DNER: variants seen among roughly 807,000 people sequenced by gnomAD.
DNER encodes delta and Notch-like epidermal growth factor-related receptor.
Under a neutral mutation model 78.2 loss-of-function variants are expected in DNER, and 33 were observed. That is an observed-to-expected ratio of 0.42 (90% CI 0.32 to 0.56). The LOEUF (loss-of-function observed/expected upper bound fraction) is 0.56, where lower values mean the gene tolerates loss of function less well. DNER is among the 20% of genes least tolerant of loss of function. The pLI, the probability that DNER is intolerant of heterozygous loss-of-function variation, is 0.11. For missense variants in DNER, 918 were observed against 975.3 expected (o/e 0.94, Z 0.78); for synonymous variants, 417 against 384.8 (o/e 1.08, Z -0.98).
intron 11 of DNER, among the ~76,000 whole-genome samples, chr2:229,372,999 T>C (rs1266700934): frequency 6.6e-6 from 1 of 152,156 alleles, no homozygotes; most frequent in Non-Finnish European, 1.5e-5. Flanking sequence ...TTTGGTTTTA[T>C]ACATGTTAAA....
intron 6 of DNER, among the ~76,000 whole-genome samples, chr2:229,479,444 A>G (rs1695106520): frequency 6.6e-6 from 1 of 152,122 alleles, no homozygotes; most frequent in Admixed American, 6.5e-5. Flanking sequence ...TAGGTGCGGT[A>G]GCTCATGCCT....
At position 229,418,207 on chromosome 2, in the gene DNER, C is replaced by T. The variant is rs1693691262; in HGVS notation, c.1510G>A (p.Glu504Lys). The T allele has an allele frequency of 6.2e-7, 1 of 1,613,958 alleles. No individual in the cohort carries two copies. The highest frequency in any genetic ancestry group is 8.5e-7 in the Non-Finnish European group (1 of 1,179,994). Reference sequence around the variant, plus strand: ...GCGGAGAGGCACTCATTATATTCCTCCTCACAGTAGAGGCCATGGTAACCT... The same window carrying T: ...GCGGAGAGGCACTCATTATATTCCTTCTCACAGTAGAGGCCATGGTAACCT... Reference protein sequence around the residue: ...DPGYHGLYCEEEYNECLSAPC... With the variant: ...DPGYHGLYCEKEYNECLSAPC... Residue 504 changes from glutamate to lysine, a missense_variant, in exon 9 of 13, where the codon GAG becomes AAG. By Grantham distance (56) the Glu-to-Lys change is moderately conservative. Coordinates refer to ENST00000341772, the MANE Select transcript of DNER (RefSeq NM_139072.4).
At chr2:229,684,142 A>C (rs13027856) in intron 1 of DNER, among the ~76,000 whole-genome samples, 11 of 61,364 alleles carry the variant, frequency 1.8e-4, no homozygotes, top group South Asian at 6.2e-4. Flanking sequence ...GTGTCTGTGT[A>C]TGTGAGAGAG....
chr2:229,678,363 C>T (rs928608265), intron 1 of DNER, among the ~76,000 whole-genome samples: 22 of 152,168 alleles, frequency 1.4e-4, no homozygotes, highest in African/African-American at 5.3e-4. Flanking sequence ...TGCCAGAGAA[C>T]CCATGCATCA....
intron 7 of DNER, among the ~76,000 whole-genome samples, chr2:229,451,456 C>T (rs959289922): frequency 2.0e-5 from 3 of 151,938 alleles, no homozygotes; most frequent in East Asian, 1.9e-4. Flanking sequence ...GACTCTGTCT[C>T]GAAAAATAAA....
chr2:229,711,551 G>A (rs1699913298), intron 1 of DNER, among the ~76,000 whole-genome samples: 1 of 152,032 alleles, frequency 6.6e-6, no homozygotes, highest in African/African-American at 2.4e-5. Context: ...TTTTAAAAAA[G>A]CCTAAAGACA....
chr2:229,599,506 C>T (rs1010893488), intron 1 of DNER, among the ~76,000 whole-genome samples: 1 of 152,206 alleles, frequency 6.6e-6, no homozygotes, highest in Non-Finnish European at 1.5e-5. Context: ...TCCTTACTCA[C>T]TAAATGCCAG....
intron 5 of DNER, among the ~76,000 whole-genome samples, chr2:229,515,932 G>A (rs886912408): frequency 1.3e-5 from 2 of 152,050 alleles, no homozygotes; most frequent in African/African-American, 2.4e-5. Flanking sequence ...ATGAGCCACC[G>A]CACCCAGCCT....
intron 1 of DNER, among the ~76,000 whole-genome samples, chr2:229,684,683 G>A (rs1359042716): frequency 6.6e-6 from 1 of 152,152 alleles, no homozygotes; most frequent in Non-Finnish European, 1.5e-5. Flanking sequence ...TTATGAGTGA[G>A]TGGAATTTAC....
At chr2:229,614,037 G>T in intron 1 of DNER, among the ~76,000 whole-genome samples, 1 of 150,682 alleles carries the variant, frequency 6.6e-6, no homozygotes, top group African/African-American at 2.4e-5. Context: ...GGGGTGGGGG[G>T]GAGCGGGGAG....
intron 1 of DNER, among the ~76,000 whole-genome samples, chr2:229,617,689 C>G (rs1227298343): frequency 6.6e-6 from 1 of 152,226 alleles, no homozygotes; most frequent in African/African-American, 2.4e-5. Context: ...CATGGTAGCT[C>G]TCGCCTATAA....
At chr2:229,614,955 A>C (rs1207178333) in intron 1 of DNER, among the ~76,000 whole-genome samples, 2 of 152,252 alleles carry the variant, frequency 1.3e-5, no homozygotes. Flanking sequence ...ATCTACGAAG[A>C]CTTTATCTAC....
At chr2:229,569,057 G>A (rs945167193) in intron 4 of DNER, among the ~76,000 whole-genome samples, 4 of 152,168 alleles carry the variant, frequency 2.6e-5, no homozygotes, top group African/African-American at 7.2e-5. Context: ...CTATGTCTGT[G>A]TATATACATG....
chr2:229,642,615 CG>C (rs988448956), intron 1 of DNER, among the ~76,000 whole-genome samples: 1 of 152,184 alleles, frequency 6.6e-6, no homozygotes, highest in African/African-American at 2.4e-5. Flanking sequence ...AGGTGAGTCA[CG>C]GAAGTGGCAG....
intron 4 of DNER, among the ~76,000 whole-genome samples, chr2:229,568,758 C>T (rs1697158307): frequency 6.6e-6 from 1 of 152,054 alleles, no homozygotes; most frequent in African/African-American, 2.4e-5. Context: ...GATGAGGTCT[C>T]TCTATGTTGC....
At position 229,413,166 on chromosome 2, in the gene DNER, T is replaced by C. The variant is rs903303692; in HGVS notation, c.1609+4942A>G. Among the ~76,000 whole-genome samples, 6 of 152,080 alleles carry C rather than the reference T, an allele frequency of 3.9e-5. No individual in the cohort carries two copies. The East Asian group carries it at 9.6e-4, about 24-fold the overall frequency. On this transcript the variant is annotated intron_variant, in intron 9 of 12. Coordinates refer to ENST00000341772, the MANE Select transcript of DNER (RefSeq NM_139072.4). The stretch of plus-strand genomic sequence containing the variant: ...CTCTAAGAGTCTTACATTATTATTA[T>C]AGACAATGGTTTCTGGGCCATTCTT...
intron 10 of DNER, among the ~76,000 whole-genome samples, chr2:229,389,617 T>C (rs1465563331): frequency 1.3e-5 from 2 of 152,186 alleles, no homozygotes; most frequent in Admixed American, 1.3e-4. Flanking sequence ...ACTCAAGTGA[T>C]TACTTCTGGG....
intron 8 of DNER, among the ~76,000 whole-genome samples, chr2:229,423,984 C>A (rs1033321096): frequency 1.3e-5 from 2 of 152,198 alleles, no homozygotes; most frequent in African/African-American, 4.8e-5. Flanking sequence ...AGGGTAGAGT[C>A]TGCAAACGCA....
intron 2 of DNER, 31 bp from the exon 3 acceptor site, chr2:229,588,519 T>C: frequency 1.3e-6 from 2 of 1,585,154 alleles, no homozygotes; most frequent in Non-Finnish European, 1.7e-6. Context: ...CGACATATGA[T>C]TGGGGTTGTT....
Sources: gnomAD v4.1 joint callset for allele counts (sites outside exome capture counted in the v4.1 genomes callset) on GRCh38, gnomAD v4.1.1 for gene constraint, MANE v1.5 for transcripts, NCBI Gene and HGNC (gene_info 2026-07-23, HGNC 2026-07-21) for gene names.